LAMB1: variants seen among roughly 807,000 people sequenced by gnomAD.
The protein encoded by LAMB1 is laminin subunit beta-1.
A neutral mutation model predicts 222.3 loss-of-function variants in LAMB1; 121 were observed. The observed-to-expected ratio is 0.54, with a 90% CI of 0.47 to 0.63. The LOEUF (loss-of-function observed/expected upper bound fraction) is 0.63, where lower values mean the gene tolerates loss of function less well. Ranked by LOEUF, LAMB1 falls within the 30% of genes least tolerant of loss-of-function variation. The pLI, the probability that LAMB1 is intolerant of heterozygous loss-of-function variation, is 0.00. For synonymous variants in LAMB1, 794 were observed against 807.2 expected, an observed-to-expected ratio of 0.98 and a Z score of 0.28; for missense variants, 2,172 against 2,240.8, an observed-to-expected ratio of 0.97 and a Z score of 0.62.
chr7:107,947,495 C>T (rs796912843), intron 24 of LAMB1, among the ~76,000 whole-genome samples: 1 of 152,210 alleles, frequency 6.6e-6, no homozygotes, highest in African/African-American at 2.4e-5. Context: ...CAGAAAGCCC[C>T]TGTGCTCCTG....
At chr7:107,955,939 G>A (rs941654444) in intron 20 of LAMB1, among the ~76,000 whole-genome samples, 10 of 151,266 alleles carry the variant, frequency 6.6e-5, no homozygotes, top group African/African-American at 1.5e-4. Context: ...GCTCTGTTGC[G>A]CAGGCTGGAG....
chr7:107,974,349 CTGTG>C (rs952549250), intron 12 of LAMB1, among the ~76,000 whole-genome samples: 19 of 148,384 alleles, frequency 1.3e-4, no homozygotes, highest in Non-Finnish European at 2.7e-4. Flanking sequence ...TATTCATATC[CTGTG>C]TGTGTTTTTT....
intron 17 of LAMB1, 139 bp from the exon 18 acceptor site, chr7:107,960,788 ACC>A (rs1480970212): frequency 1.5e-5 from 10 of 673,166 alleles, no homozygotes; most frequent in Non-Finnish European, 2.3e-5. Flanking sequence ...TAAAGTATAA[ACC>A]TCCCTATTCC....
chr7:108,002,968 C>G lies in LAMB1; in HGVS notation c.-83G>C, dbSNP rs1169832298. On this transcript the variant is annotated 5_prime_UTR_variant, in exon 2 of 34. Transcript: ENST00000222399. ...CCGCCTGCCCTTTCTTCCCGTCTTCCTTTCTGGAGAGGTGGAAAGGAGGGG... is the reference window on the plus strand; with the variant it reads ...CCGCCTGCCCTTTCTTCCCGTCTTCGTTTCTGGAGAGGTGGAAAGGAGGGG... The G allele has an allele frequency of 7.5e-6, 12 of 1,602,888 alleles. No individual in the cohort carries two copies. Among genetic ancestry groups the G allele is most frequent in the Non-Finnish European group, 1.0e-5 (12 of 1,176,840 alleles).
chr7:107,984,972 A>G (rs2034045876), intron 7 of LAMB1, among the ~76,000 whole-genome samples: 1 of 152,218 alleles, frequency 6.6e-6, no homozygotes, highest in South Asian at 2.1e-4. Flanking sequence ...CTTCTCTAGA[A>G]AACTCTTTGG....
chr7:107,969,362 A>G (rs1227136526), intron 13 of LAMB1, among the ~76,000 whole-genome samples: 1 of 152,202 alleles, frequency 6.6e-6, no homozygotes, highest in Non-Finnish European at 1.5e-5. Context: ...AATGGTGGTG[A>G]ATAAAGAAAA....
intron 24 of LAMB1, 141 bp from the exon 25 acceptor site, chr7:107,940,499 G>T: frequency 3.7e-6 from 3 of 812,974 alleles, no homozygotes; most frequent in Non-Finnish European, 5.7e-6. Flanking sequence ...CTCAGGTAGA[G>T]ACTGTAGCAG....
chr7:107,961,353 A>C, intron 16 of LAMB1, 24 bp from the exon 17 acceptor site: 2 of 1,610,272 alleles, frequency 1.2e-6, no homozygotes, highest in Non-Finnish European at 1.7e-6. Flanking sequence ...AAAAAGAAAG[A>C]CAACAACGAA....
rs573446534 is a variant in LAMB1, at chr7:107,990,510, C to T, written c.424-4147G>A. 1.1e-4 allele frequency among the ~76,000 whole-genome samples: 16 copies of T among 152,296 alleles called. 1 individual carries two copies. In the South Asian group the frequency reaches 2.5e-3, roughly 24 times the overall value. On this transcript the variant is annotated intron_variant, in intron 5 of 33. Transcript: ENST00000222399. ...TTCCTGATTTCACTACTGTCAGTGG[C>T]TTCACCATCTTCCTAGTTATTTCAC...
chr7:107,962,698 A>T (rs1326897310), intron 15 of LAMB1, among the ~76,000 whole-genome samples: 3 of 138,704 alleles, frequency 2.2e-5, no homozygotes, highest in African/African-American at 8.5e-5. Context: ...TGGACAACAG[A>T]GCGAGACTCA....
chr7:107,945,685 C>T (rs1477813732), intron 24 of LAMB1, among the ~76,000 whole-genome samples: 1 of 152,252 alleles, frequency 6.6e-6, no homozygotes. Flanking sequence ...GTCCCTTAAC[C>T]TCTCTGAGTC....
rs771306909 is a variant in LAMB1, at chr7:107,986,395, T to G, written c.424-32A>C. 1.1e-5 allele frequency: 17 copies of G among 1,541,904 alleles called. No individual in the cohort carries two copies. In the South Asian group the frequency reaches 1.8e-4, roughly 17 times the overall value. On this transcript the variant is annotated intron_variant, in intron 5 of 33. Transcript: ENST00000222399. ...GCAGGAGCAAAAATCTCATTTGATG[T>G]TTTTTATTGGTAGTCTCTACTTTTT...
intron 31 of LAMB1, among the ~76,000 whole-genome samples, chr7:107,927,682 A>C (rs1387128615): frequency 6.6e-6 from 1 of 152,254 alleles, no homozygotes; most frequent in East Asian, 1.9e-4. Context: ...GCAAACTGAG[A>C]AAATGGAAAA....
At chr7:107,944,640 G>T (rs2033078070) in intron 24 of LAMB1, among the ~76,000 whole-genome samples, 1 of 152,126 alleles carries the variant, frequency 6.6e-6, no homozygotes, top group African/African-American at 2.4e-5. Context: ...TTCCAGAATT[G>T]CTTCTCTTGG....
At chr7:107,982,879 A>G (rs2034000557) in intron 7 of LAMB1, among the ~76,000 whole-genome samples, 1 of 152,228 alleles carries the variant, frequency 6.6e-6, no homozygotes, top group South Asian at 2.1e-4. Flanking sequence ...TAACATAGAA[A>G]AAGATTCTCC....
chr7:107,994,379 T>C (rs749034274), intron 5 of LAMB1, among the ~76,000 whole-genome samples: 1 of 152,196 alleles, frequency 6.6e-6, no homozygotes, highest in Admixed American at 6.5e-5. Context: ...TAAATAATAA[T>C]CCCATGGGCT....
At chr7:107,972,620 A>G (rs1403870339) in intron 13 of LAMB1, among the ~76,000 whole-genome samples, 2 of 152,064 alleles carry the variant, frequency 1.3e-5, no homozygotes, top group African/African-American at 2.4e-5. Flanking sequence ...AAATGAAAAG[A>G]TTCTCTACAC....
intron 24 of LAMB1, among the ~76,000 whole-genome samples, chr7:107,950,713 G>A (rs1166794644): frequency 2.0e-5 from 3 of 152,032 alleles, no homozygotes; most frequent in South Asian, 2.1e-4. Context: ...ACACACATAC[G>A]CCAAGAGCTT....
intron 27 of LAMB1, among the ~76,000 whole-genome samples, chr7:107,934,454 C>T (rs28506176): frequency 1.8e-3 from 281 of 152,250 alleles, no homozygotes; most frequent in African/African-American, 6.1e-3. Context: ...TCCTTGAAAA[C>T]ACAGGAAGGA....
Sources: gnomAD v4.1 joint callset for allele counts (sites outside exome capture counted in the v4.1 genomes callset) on GRCh38, gnomAD v4.1.1 for gene constraint, MANE v1.5 for transcripts, NCBI Gene and HGNC (gene_info 2026-07-23, HGNC 2026-07-21) for gene names.